The following HIF1A variants were observed in gnomAD, a reference collection of about 807,000 sequenced individuals.
HIF1A encodes hypoxia inducible factor 1 subunit alpha.
A neutral mutation model predicts 92.7 loss-of-function variants in HIF1A; 24 were observed. That is an observed-to-expected ratio of 0.26 (90% CI 0.19 to 0.36). HIF1A has a LOEUF of 0.36. HIF1A is among the 10% of genes least tolerant of loss of function. The probability of loss-of-function intolerance (pLI) is 1.00; values close to 1 mark genes in which losing one functional copy is unlikely to be tolerated. For missense variants in HIF1A, 799 were observed against 998.5 expected (o/e 0.80, Z 2.69); for synonymous variants, 319 against 338.7 (o/e 0.94, Z 0.64).
chr14:61,696,743 T>C (rs2044121752), intron 1 of HIF1A, among the ~76,000 whole-genome samples: 1 of 152,174 alleles, frequency 6.6e-6, no homozygotes, highest in African/African-American at 2.4e-5. Flanking sequence ...GATGAGTGAA[T>C]GAAATGCGGC....
intron 10 of HIF1A, among the ~76,000 whole-genome samples, chr14:61,738,820 T>A (rs1441751886): frequency 2.6e-5 from 4 of 152,222 alleles, no homozygotes; most frequent in African/African-American, 9.6e-5. Context: ...AATCACAGCC[T>A]CAACCTCCCA....
chr14:61,728,305 G>A (rs564545567), intron 6 of HIF1A, among the ~76,000 whole-genome samples: 28 of 152,182 alleles, frequency 1.8e-4, no homozygotes, highest in Non-Finnish European at 3.7e-4. Context: ...AAAGCCAAGT[G>A]TTTGTACATC....
chr14:61,729,473 A>C (rs1288973058), intron 6 of HIF1A, among the ~76,000 whole-genome samples: 1 of 151,312 alleles, frequency 6.6e-6, no homozygotes, highest in Non-Finnish European at 1.5e-5. Flanking sequence ...AAAAACAAAA[A>C]CAAAACAAAA....
intron 1 of HIF1A, among the ~76,000 whole-genome samples, chr14:61,706,639 C>T (rs1424149385): frequency 6.6e-6 from 1 of 152,174 alleles, no homozygotes; most frequent in Non-Finnish European, 1.5e-5. Context: ...GCTAATGTTT[C>T]TCAAACTTCT....
intron 1 of HIF1A, among the ~76,000 whole-genome samples, chr14:61,716,540 G>A (rs1207940394): frequency 2.6e-5 from 4 of 151,856 alleles, no homozygotes; most frequent in Admixed American, 2.6e-4. Context: ...ATGCTAACAG[G>A]CTTTTTGTGC....
chr14:61,728,350 A>C (rs529292273), intron 6 of HIF1A, among the ~76,000 whole-genome samples: 3 of 152,290 alleles, frequency 2.0e-5, no homozygotes, highest in African/African-American at 7.2e-5. Flanking sequence ...AGAAGCTTCA[A>C]CCTTGCCCAT....
intron 10 of HIF1A, 73 bp downstream of exon 10, chr14:61,738,446 A>T: frequency 7.6e-7 from 1 of 1,310,362 alleles, no homozygotes; most frequent in Non-Finnish European, 1.1e-6. Context: ...TATAAGTTTG[A>T]TTCAAACACT....
Position 61,740,896 on chromosome 14 carries a change from G to A in HIF1A, c.1801G>A (p.Val601Ile). 2.5e-6 allele frequency: 4 copies of A among 1,614,182 alleles called. No homozygotes were observed. Among genetic ancestry groups the A allele is most frequent in the Non-Finnish European group, 3.4e-6 (4 of 1,180,020 alleles). ...ESASPQSTVT[V>I]FQQTQIQEPT... ...CGCAAGTCCTCAAAGCACAGTTACA[G>A]TATTCCAGCAGACTCAAATACAAGA... The change falls in exon 12 of 15, where the codon GTA (valine) becomes ATA (isoleucine). Residue 601 changes from valine (V) to isoleucine (I), a missense_variant. Transcript: ENST00000337138.
chr14:61,698,202 C>T (rs1170081928), intron 1 of HIF1A, among the ~76,000 whole-genome samples: 1 of 152,148 alleles, frequency 6.6e-6, no homozygotes, highest in Non-Finnish European at 1.5e-5. Context: ...TAACTTTGGC[C>T]ATTAAAAGTC....
chr14:61,727,479 C>T lies in HIF1A; in HGVS notation c.597C>T (p.His199=), dbSNP rs759016237. The T allele has an allele frequency of 9.9e-6, 16 of 1,613,436 alleles. No homozygotes were observed. Among genetic ancestry groups the T allele is most frequent in the African/African-American group, 1.3e-5 (1 of 74,936 alleles). Residue 199 remains histidine (H), a synonymous_variant, in exon 6 of 15, where the codon CAC becomes CAT. Coordinates refer to ENST00000337138, the MANE Select transcript of HIF1A (RefSeq NM_001530.4). ...TATTGCACTGCACAGGCCACATTCA[C>T]GTATATGATACCAACAGTAACCAAC... ...WKVLHCTGHI[H]VYDTNSNQPQ... is the part of the protein sequence containing the mutation.
intron 6 of HIF1A, among the ~76,000 whole-genome samples, chr14:61,729,907 A>G (rs2044554996): frequency 6.6e-6 from 1 of 152,170 alleles, no homozygotes; most frequent in African/African-American, 2.4e-5. Flanking sequence ...AGCTCTTTCC[A>G]GGAACTTCTT....
At chr14:61,716,509 C>T (rs1007878433) in intron 1 of HIF1A, among the ~76,000 whole-genome samples, 16 of 152,094 alleles carry the variant, frequency 1.1e-4, no homozygotes, top group African/African-American at 3.6e-4. Context: ...TTCTTGAAGT[C>T]ACATATTTTT....
chr14:61,707,476 G>T (rs1335328037), intron 1 of HIF1A, among the ~76,000 whole-genome samples: 3 of 151,938 alleles, frequency 2.0e-5, no homozygotes, highest in African/African-American at 7.3e-5. Flanking sequence ...CCCACAACAG[G>T]CCCCGGCGTG....
In HIF1A at chr14:61,738,473, T is replaced by C. The variant is rs73314112; in HGVS notation, c.1536+100T>C. ...TCAAACACTTATTTGAACCACAAATTACATTTGTGTGTGTGTTTGAATTTT... is the reference window on the plus strand; with the variant it reads ...TCAAACACTTATTTGAACCACAAATCACATTTGTGTGTGTGTTTGAATTTT... On this transcript the variant is annotated intron_variant, in intron 10 of 14. Transcript: ENST00000337138. 1.2e-3 allele frequency: 1,279 copies of C among 1,066,542 alleles called. 11 individuals are homozygous for C. In the African/African-American group the frequency reaches 0.018, roughly 15 times the overall value. The allele number at this position is 1,066,542 out of a possible 1,614,324, so 66.1% of individuals were successfully genotyped here.
chr14:61,722,380 G>A (rs951229631), intron 4 of HIF1A, among the ~76,000 whole-genome samples: 3 of 151,926 alleles, frequency 2.0e-5, no homozygotes, highest in Non-Finnish European at 2.9e-5. Context: ...GAGCCACCAC[G>A]CCCAGGCTAC....
intron 4 of HIF1A, among the ~76,000 whole-genome samples, chr14:61,723,634 G>A (rs1248568249): frequency 6.6e-6 from 1 of 152,188 alleles, no homozygotes; most frequent in Non-Finnish European, 1.5e-5. Context: ...ACCTAAGTGG[G>A]TTGTCAATGA....
chr14:61,736,863 A>G, intron 8 of HIF1A, 26 bp from the exon 9 acceptor site: 1 of 1,529,048 alleles, frequency 6.5e-7, no homozygotes, highest in South Asian at 1.1e-5. Flanking sequence ...TCATTTGTGA[A>G]TTACCAATTT....
chr14:61,704,738 C>G lies in HIF1A; in HGVS notation c.35+8899C>G, dbSNP rs75079941. The stretch of plus-strand genomic sequence containing the variant: ...CTTCAACGCTTAACCATGACTCAGG[C>G]ACCTAACTATTATACTATGTCCTGT... On this transcript the variant is annotated intron_variant, in intron 1 of 14. Coordinates refer to ENST00000337138, the MANE Select transcript of HIF1A (RefSeq NM_001530.4). Among the ~76,000 whole-genome samples the G allele has an allele frequency of 5.3e-3, 810 of 152,284 alleles. 8 individuals are homozygous for G. Among genetic ancestry groups the G allele is most frequent in the African/African-American group, 0.018 (736 of 41,562 alleles).
rs1292010392 is a variant in HIF1A, at chr14:61,740,821, T to A, written c.1726T>A (p.Ser576Thr). ...AATGGATGATGACTTCCAGTTACGT[T>A]CCTTCGATCAGTTGTCACCATTAGA... ...IPMDDDFQLR[S>T]FDQLSPLESS... Residue 576 changes from serine to threonine, a missense_variant, in exon 12 of 15, where the codon TCC (serine) becomes ACC (threonine). Ser to Thr is a moderately conservative substitution (Grantham distance 58). Around this residue, in one of 2 missense-constraint regions of HIF1A, gnomAD observed 516 missense variants for 721.0 expected, o/e 0.72. Coordinates refer to ENST00000337138, the MANE Select transcript of HIF1A (RefSeq NM_001530.4). 6.2e-7 allele frequency: 1 copy of A among 1,614,028 alleles called. No homozygotes were observed. The highest frequency in any genetic ancestry group is 8.5e-7 in the Non-Finnish European group (1 of 1,180,004).
Sources: allele counts gnomAD v4.1 joint callset (sites outside exome capture counted in the v4.1 genomes callset), GRCh38; gene constraint gnomAD v4.1.1; regional missense constraint gnomAD v4.1.1; transcripts MANE v1.5; gene names NCBI Gene and HGNC (gene_info 2026-07-23, HGNC 2026-07-21).